Variants in TRDN observed in about 807,000 individuals in gnomAD.
TRDN encodes triadin.
Under a neutral mutation model 149.7 loss-of-function variants are expected in TRDN, and 161 were observed. The observed-to-expected ratio is 1.08, with a 90% CI of 0.95 to 1.23. The LOEUF (loss-of-function observed/expected upper bound fraction) is 1.23. Ranked by LOEUF, TRDN falls within the 50% of genes most tolerant of loss-of-function variation. TRDN has a pLI of 0.00. For synonymous variants in TRDN, 294 were observed against 250.5 expected (o/e 1.17, Z -1.64); for missense variants, 896 against 823.5 (o/e 1.09, Z -1.08).
chr6:123,273,452 A>C (rs1370971040), intron 27 of TRDN, 89 bp from the exon 28 acceptor site: 1 of 623,854 alleles, frequency 1.6e-6, no homozygotes, highest in African/African-American at 2.0e-5. Context: ...TGTAAATAGA[A>C]CTAGGCATAA....
chr6:123,417,947 T>C (rs1349755576), intron 12 of TRDN, among the ~76,000 whole-genome samples: 1 of 152,182 alleles, frequency 6.6e-6, no homozygotes, highest in African/African-American at 2.4e-5. Flanking sequence ...ATCTGAACCA[T>C]TTCAGCCCTT....
chr6:123,443,694 G>A (rs1775092181), intron 10 of TRDN, among the ~76,000 whole-genome samples: 1 of 151,302 alleles, frequency 6.6e-6, no homozygotes, highest in Non-Finnish European at 1.5e-5. Flanking sequence ...ATTGATTTTT[G>A]TATAAGGTGT....
chr6:123,273,328 AATAC>A lies in TRDN; in HGVS notation c.1624+5_1624+8del. ...AAGTCTAAGCATAAAAGATAAAATT[AATAC>A]ATACTGTGTATTTGCACTTTTTCAG... On this transcript the variant is annotated splice_donor_5th_base_variant and intron_variant, in intron 28 of 40. Coordinates refer to ENST00000334268, the MANE Select transcript of TRDN (RefSeq NM_006073.4). 9.3e-7 allele frequency: 1 copy of A among 1,077,338 alleles called. No homozygotes were observed. Among genetic ancestry groups the A allele is most frequent in the African/African-American group, 1.7e-5 (1 of 59,544 alleles). 66.7% of individuals were successfully genotyped at this position (1,077,338 alleles called of 1,614,324 possible).
At chr6:123,248,950 T>G (rs1448697887) in intron 38 of TRDN, among the ~76,000 whole-genome samples, 1 of 152,122 alleles carries the variant, frequency 6.6e-6, no homozygotes, top group Non-Finnish European at 1.5e-5. Flanking sequence ...CTGTTGAATA[T>G]AGATGCAAAA....
intron 24 of TRDN, among the ~76,000 whole-genome samples, chr6:123,295,274 T>C (rs544591371): frequency 6.6e-6 from 1 of 152,230 alleles, no homozygotes; most frequent in African/African-American, 2.4e-5. Context: ...CAATTAAAAG[T>C]GGGTATAAAT....
chr6:123,574,135 A>G (rs1333442178), intron 1 of TRDN, among the ~76,000 whole-genome samples: 3 of 152,006 alleles, frequency 2.0e-5, no homozygotes, highest in African/African-American at 7.2e-5. Context: ...ATTTAGCCCC[A>G]TATTTTCAAA....
intron 32 of TRDN, among the ~76,000 whole-genome samples, chr6:123,266,122 T>A (rs1162643709): frequency 2.5e-5 from 3 of 119,472 alleles, no homozygotes; most frequent in African/African-American, 9.6e-5. Flanking sequence ...TATTATATAT[T>A]ATATATATTA....
rs368938547 is a variant in TRDN, at chr6:123,569,462, C to G, written c.232+1461G>C. 1.4e-3 allele frequency among the ~76,000 whole-genome samples: 206 copies of G among 152,314 alleles called. 2 individuals carry two copies. The highest frequency in any genetic ancestry group is 4.6e-3 in the African/African-American group (193 of 41,556). Reference sequence around the variant, plus strand: ...TTTCTGGTATCCTTATAGCAATACCCCACTACTGGTGCCAATTTTCTGTAT... The same window carrying G: ...TTTCTGGTATCCTTATAGCAATACCGCACTACTGGTGCCAATTTTCTGTAT... On this transcript the variant is annotated intron_variant, in intron 2 of 40. Transcript: ENST00000334268.
chr6:123,298,449 G>A lies in TRDN; in HGVS notation c.1510+18008C>T, dbSNP rs575858980. On this transcript the variant is annotated intron_variant, in intron 24 of 40. Coordinates refer to ENST00000334268, the MANE Select transcript of TRDN (RefSeq NM_006073.4). ...CCTTTCCTGACCTCCTTCCACCAAG[G>A]GTTAGAGATAATTTGTACTCTCAAC... Among the ~76,000 whole-genome samples the A allele has an allele frequency of 3.4e-4, 52 of 151,880 alleles. No individual in the cohort carries two copies. In the South Asian group the frequency reaches 0.011, roughly 31 times the overall value.
At position 123,274,873 on chromosome 6, in the gene TRDN, A is replaced by C. The variant is rs546561829; in HGVS notation, c.1568-203T>G. 9.9e-5 allele frequency among the ~76,000 whole-genome samples: 15 copies of C among 151,440 alleles called. No homozygotes were observed. In the South Asian group the frequency reaches 3.1e-3, roughly 32 times the overall value. Reference sequence around the variant, plus strand: ...AGGTGACAGAGCGAGACTCCGTTTCAAAAAAAAACCAGTTTTACACTGGTT... The same window carrying C: ...AGGTGACAGAGCGAGACTCCGTTTCCAAAAAAAACCAGTTTTACACTGGTT... On this transcript the variant is annotated intron_variant, in intron 26 of 40. Transcript: ENST00000334268.
At chr6:123,364,811 G>A (rs761363998) in intron 20 of TRDN, among the ~76,000 whole-genome samples, 1 of 151,974 alleles carries the variant, frequency 6.6e-6, no homozygotes, top group African/African-American at 2.4e-5. Flanking sequence ...CCACTTACTG[G>A]GCCCATGAAC....
chr6:123,567,670 A>T (rs529974700), intron 2 of TRDN, among the ~76,000 whole-genome samples: 1 of 152,148 alleles, frequency 6.6e-6, no homozygotes. Flanking sequence ...TTAAAAAATC[A>T]TATCTCACAA....
chr6:123,513,429 A>C (rs777579814), intron 6 of TRDN, among the ~76,000 whole-genome samples: 2 of 152,112 alleles, frequency 1.3e-5, no homozygotes, highest in Non-Finnish European at 2.9e-5. Flanking sequence ...TAAGGGCAAA[A>C]ATTCCTAACT....
At chr6:123,539,839 A>C (rs1309157468) in intron 4 of TRDN, among the ~76,000 whole-genome samples, 1 of 152,178 alleles carries the variant, frequency 6.6e-6, no homozygotes, top group African/African-American at 2.4e-5. Flanking sequence ...AGGATGCATA[A>C]AATTCCCTAT....
At chr6:123,517,101 T>C (rs1779447246) in intron 5 of TRDN, among the ~76,000 whole-genome samples, 1 of 152,096 alleles carries the variant, frequency 6.6e-6, no homozygotes, top group African/African-American at 2.4e-5. Flanking sequence ...AAGCAAATAA[T>C]TACAAAGGTG....
chr6:123,521,656 G>T (rs1170092315), intron 5 of TRDN, among the ~76,000 whole-genome samples: 1 of 152,052 alleles, frequency 6.6e-6, no homozygotes. Context: ...TTAGACTTCT[G>T]TTGCAGCCCT....
chr6:123,437,131 A>G (rs1039382984), intron 12 of TRDN, among the ~76,000 whole-genome samples: 1 of 152,090 alleles, frequency 6.6e-6, no homozygotes, highest in Non-Finnish European at 1.5e-5. Flanking sequence ...ATAGTTGAAT[A>G]ACCTTATTTC....
intron 27 of TRDN, 39 bp from the exon 28 acceptor site, chr6:123,273,402 CA>C: frequency 2.3e-6 from 2 of 880,332 alleles, no homozygotes. Flanking sequence ...AAATTACCTG[CA>C]AAATGGAGTA....
chr6:123,413,583 A>G (rs73770103), intron 12 of TRDN, among the ~76,000 whole-genome samples: 282 of 152,290 alleles, frequency 1.9e-3, no homozygotes, highest in African/African-American at 4.7e-3. Flanking sequence ...AGCCTGATAA[A>G]AGTGAATTCT....
Sources: allele counts gnomAD v4.1 joint callset (sites outside exome capture counted in the v4.1 genomes callset), GRCh38; gene constraint gnomAD v4.1.1; transcripts MANE v1.5; gene names NCBI Gene and HGNC (gene_info 2026-07-23, HGNC 2026-07-21).